The following ZFP90 variants were observed in gnomAD, a reference collection of about 807,000 sequenced individuals.
ZFP90 encodes the protein ZFP90 zinc finger protein, also known as zinc finger protein 90 homolog.
A neutral mutation model predicts 60.8 loss-of-function variants in ZFP90; 38 were observed. That is an observed-to-expected ratio of 0.62 (90% CI 0.48 to 0.82). The LOEUF is 0.82. Ranked by LOEUF, ZFP90 falls within the 40% of genes least tolerant of loss-of-function variation. The pLI is 0.00. For missense variants in ZFP90, 711 were observed against 759.1 expected (o/e 0.94, Z 0.74); for synonymous variants, 287 against 264.8 (o/e 1.08, Z -0.82).
At chr16:68,573,134 T>A (rs980788300) in intron 2 of ZFP90, among the ~76,000 whole-genome samples, 9 of 152,356 alleles carry the variant, frequency 5.9e-5, no homozygotes, top group African/African-American at 1.9e-4. Flanking sequence ...CAGATGTATG[T>A]TCACCCTGTA....
chr16:68,567,480 C>G (rs191990620), downstream of ZFP90, among the ~76,000 whole-genome samples: 1 of 152,152 alleles, frequency 6.6e-6, no homozygotes, highest in East Asian at 1.9e-4. Context: ...TTCAGCTAAT[C>G]AGAGTCCTTT....
chr16:68,566,393 T>G lies in ZFP90; in HGVS notation c.*1695T>G, dbSNP rs569950536. On this transcript the variant is annotated 3_prime_UTR_variant, in exon 5 of 5. Transcript: ENST00000563169. ...TCATGGGGCAAGATATTGGTCGTAT[T>G]GATGGTGAACCTTTCCTACTGGATT... The G allele has an allele frequency of 1.8e-5, 18 of 985,582 alleles. No homozygotes were observed. In the African/African-American group the frequency reaches 3.1e-4, roughly 17 times the overall value. 61.1% of individuals were successfully genotyped at this position (985,582 alleles called of 1,614,324 possible).
chr16:68,564,044 C>T lies in ZFP90; in HGVS notation c.1257C>T (p.Gly419=), dbSNP rs748773242. ...LYKHMRIHKR[G]KPYQSSNYSI... Reference sequence around the variant, plus strand: ...AACATATGAGGATTCATAAGAGAGGCAAACCTTACCAAAGCAGTAACTACA... The same window carrying T: ...AACATATGAGGATTCATAAGAGAGGTAAACCTTACCAAAGCAGTAACTACA... The change falls in exon 5 of 5, where the codon GGC becomes GGT. Residue 419 remains glycine, a synonymous_variant. Coordinates refer to ENST00000563169, the MANE Select transcript of ZFP90 (RefSeq NM_001305203.2). 3.7e-6 allele frequency: 6 copies of T among 1,613,970 alleles called. No individual in the cohort carries two copies. The East Asian group carries it at 6.7e-5, about 18-fold the overall frequency.
intron 2 of ZFP90, among the ~76,000 whole-genome samples, chr16:68,556,019 A>C (rs558664267): frequency 6.6e-6 from 1 of 152,262 alleles, no homozygotes; most frequent in African/African-American, 2.4e-5. Flanking sequence ...TCTAACCAGG[A>C]ATTAGCTAGA....
chr16:68,537,693 G>A (rs190285145), upstream of ZFP90, among the ~76,000 whole-genome samples: 6 of 152,050 alleles, frequency 3.9e-5, no homozygotes, highest in Non-Finnish European at 1.5e-5. Context: ...AGCCTCCCAA[G>A]TAGCTGGGAC....
intron 2 of ZFP90, among the ~76,000 whole-genome samples, chr16:68,551,445 G>A (rs1276906991): frequency 2.4e-5 from 3 of 123,556 alleles, no homozygotes; most frequent in East Asian, 2.4e-4. Flanking sequence ...TTTTGGAGAC[G>A]GAATCTTGCT....
chr16:68,540,300 T>C (rs1222908172), intron 2 of ZFP90, among the ~76,000 whole-genome samples: 2 of 152,074 alleles, frequency 1.3e-5, no homozygotes, highest in East Asian at 3.8e-4. Flanking sequence ...GAGATGGGCT[T>C]TCTTGGGCAA....
chr16:68,547,836 C>CTCTTTT (rs77688442), intron 2 of ZFP90, among the ~76,000 whole-genome samples: 1 of 136,004 alleles, frequency 7.4e-6, no homozygotes, highest in Non-Finnish European at 1.6e-5. Flanking sequence ...GTTGATCTCT[C>CTCTTTT]TTTTTTTTTT....
chr16:68,534,554 A>C (rs1003322949), upstream of ZFP90, among the ~76,000 whole-genome samples: 5 of 151,298 alleles, frequency 3.3e-5, no homozygotes, highest in Admixed American at 1.3e-4. Flanking sequence ...TTGGTTCTTA[A>C]GATTTTGGAC....
chr16:68,556,927 T>C (rs2091353321), intron 2 of ZFP90, among the ~76,000 whole-genome samples: 1 of 152,162 alleles, frequency 6.6e-6, no homozygotes, highest in African/African-American at 2.4e-5. Context: ...GGGAACAAGT[T>C]TGATGTAGTC....
intron 2 of ZFP90, among the ~76,000 whole-genome samples, chr16:68,575,233 C>T (rs1463925435): frequency 1.3e-5 from 2 of 152,234 alleles, no homozygotes; most frequent in Non-Finnish European, 2.9e-5. Context: ...GGCTTGTGCA[C>T]TGGGATCTGC....
rs1188769448 is a variant in ZFP90, at chr16:68,565,511, CTG to C, written c.*815_*816del. On this transcript the variant is annotated 3_prime_UTR_variant, in exon 5 of 5. Transcript: ENST00000563169. ...CTTACAAACCACAATTTAACAGAAACTGTAGATGGTTGAACTACTAGTGACTT... is the reference window on the plus strand; with the variant it reads ...CTTACAAACCACAATTTAACAGAAACTAGATGGTTGAACTACTAGTGACTT... The C allele has an allele frequency of 3.9e-5, 38 of 985,554 alleles. No homozygotes were observed. Among genetic ancestry groups the C allele is most frequent in the Admixed American group, 6.1e-5 (1 of 16,278 alleles). 61.1% of individuals were successfully genotyped at this position (985,554 alleles called of 1,614,324 possible). A position where few individuals can be genotyped will look rare whatever the true frequency, so the allele number is the denominator to read the frequency against.
intron 2 of ZFP90, among the ~76,000 whole-genome samples, chr16:68,540,851 A>C (rs145174888): frequency 3.3e-5 from 5 of 150,216 alleles, no homozygotes; most frequent in Admixed American, 1.3e-4. Flanking sequence ...AAAAACACCA[A>C]CTTAGTAATG....
Position 68,564,503 on chromosome 16 carries a change from G to A in ZFP90, c.1716G>A (p.Glu572=). The A allele has an allele frequency of 2.5e-6, 4 of 1,614,054 alleles. No individual in the cohort carries two copies. The highest frequency in any genetic ancestry group is 3.4e-6 in the Non-Finnish European group (4 of 1,179,966). ...AAAGTTCATCTCTCATTCAGCATGA[G>A]AGAACTCATACTGGAGAGAAGCCCT... The part of the protein sequence containing the change: ...FSQSSSLIQH[E]RTHTGEKPYE... The change falls in exon 5 of 5, where the codon GAG becomes GAA. Residue 572 remains glutamate, a synonymous_variant. Transcript: ENST00000563169.
intron 2 of ZFP90, among the ~76,000 whole-genome samples, chr16:68,552,732 CT>C (rs1555498965): frequency 1.3e-5 from 2 of 152,056 alleles, no homozygotes; most frequent in Non-Finnish European, 2.9e-5. Flanking sequence ...ACTGAGGAAT[CT>C]AAGTTTTAAT....
chr16:68,546,631 G>T (rs2091154875), intron 2 of ZFP90, among the ~76,000 whole-genome samples: 1 of 152,082 alleles, frequency 6.6e-6, no homozygotes, highest in South Asian at 2.1e-4. Context: ...TTCTGTCTCA[G>T]CCTCCTGAGA....
chr16:68,564,800 G>T lies in ZFP90; in HGVS notation c.*102G>T. 1 of 1,442,756 alleles carries T rather than the reference G, an allele frequency of 6.9e-7. No homozygotes were observed. The highest frequency in any genetic ancestry group is 9.1e-7 in the Non-Finnish European group (1 of 1,102,264). 89.4% of individuals were successfully genotyped at this position (1,442,756 alleles called of 1,614,324 possible). On this transcript the variant is annotated 3_prime_UTR_variant, in exon 5 of 5. Coordinates refer to ENST00000563169, the MANE Select transcript of ZFP90 (RefSeq NM_001305203.2). ...CTTGGGAATGTAATGAATTACGTGT[G>T]TGTTTATACGTTGTGTGTGGAGAAA...
chr16:68,575,931 C>T (rs991013874), exon 3 of ZFP90: 43 of 397,634 alleles, frequency 1.1e-4, no homozygotes, highest in African/African-American at 8.3e-4. Context: ...CCCGTACAAG[C>T]CATGCAAATA....
chr16:68,534,131 T>C lies in ZFP90; in HGVS notation c.-36+276T>C, dbSNP rs144128946. ...ATCTCTTTGTCCATTTGTGGATAAT[T>C]TCCTCAGATCGACCTTCTATTCACT... is the stretch of plus-strand genomic sequence containing the variant. On this transcript the variant is annotated intron_variant, in intron 2 of 3. Coordinates refer to the ZFP90 transcript ENST00000569109. Among the ~76,000 whole-genome samples, 128 of 152,276 alleles carry C rather than the reference T, an allele frequency of 8.4e-4. 1 individual carries two copies. Among genetic ancestry groups the C allele is most frequent in the African/African-American group, 2.9e-3 (122 of 41,562 alleles).
Sources: allele counts gnomAD v4.1 joint callset (sites outside exome capture counted in the v4.1 genomes callset), GRCh38; gene constraint gnomAD v4.1.1; transcripts MANE v1.5; gene names NCBI Gene and HGNC (gene_info 2026-07-23, HGNC 2026-07-21).